The following HMG20A variants were observed in gnomAD, a reference collection of about 807,000 sequenced individuals.
HMG20A encodes high mobility group protein 20A.
Under a neutral mutation model 43.9 loss-of-function variants are expected in HMG20A, and 17 were observed. The observed-to-expected ratio is 0.39, with a 90% CI of 0.27 to 0.58. The LOEUF is 0.58. Among genes scored for constraint, HMG20A ranks in the 20% least tolerant of loss-of-function variants. HMG20A has a pLI of 0.59. For missense variants in HMG20A, 341 were observed against 438.2 expected, an observed-to-expected ratio of 0.78 and a Z score of 1.98; for synonymous variants, 132 against 147.5, an observed-to-expected ratio of 0.89 and a Z score of 0.76.
At chr15:77,470,100 T>C (rs981718059) in intron 4 of HMG20A, among the ~76,000 whole-genome samples, 2 of 152,226 alleles carry the variant, frequency 1.3e-5, no homozygotes, top group Non-Finnish European at 2.9e-5. Context: ...TTTTGGTGCT[T>C]AAATTGTACC....
the HMG20A span, among the ~76,000 whole-genome samples, chr15:77,505,846 G>A: frequency 6.6e-6 from 1 of 152,228 alleles, no homozygotes; most frequent in African/African-American, 2.4e-5. Context: ...GCAGCCCTGA[G>A]CTGTGTCTTC....
At chr15:77,439,513 G>C (rs905629320) in intron 1 of HMG20A, among the ~76,000 whole-genome samples, 2 of 151,950 alleles carry the variant, frequency 1.3e-5, no homozygotes, top group African/African-American at 4.8e-5. Context: ...CGTGGGTCTG[G>C]CTTCTTGGCT....
chr15:77,474,012 T>G (rs539154493), intron 6 of HMG20A, among the ~76,000 whole-genome samples: 128 of 152,322 alleles, frequency 8.4e-4, no homozygotes, highest in Non-Finnish European at 3.7e-4. Context: ...ATAAAAGAAC[T>G]GATTTGAAAG....
chr15:77,514,004 G>T, the HMG20A span, among the ~76,000 whole-genome samples: 2 of 152,262 alleles, frequency 1.3e-5, no homozygotes, highest in Admixed American at 1.3e-4. Context: ...GATTACAAGC[G>T]TGAGCCACCA....
intron 1 of HMG20A, among the ~76,000 whole-genome samples, chr15:77,437,858 GCCA>G (rs1287751320): frequency 2.6e-5 from 4 of 152,154 alleles, no homozygotes; most frequent in Admixed American, 1.3e-4. Context: ...ACATGTGTGA[GCCA>G]CTGTGCGCAG....
intron 1 of HMG20A, among the ~76,000 whole-genome samples, chr15:77,447,213 G>C (rs1404504576): frequency 6.6e-6 from 1 of 152,134 alleles, no homozygotes; most frequent in East Asian, 1.9e-4. Context: ...TGCCTCTGTA[G>C]GAAGGGCAAC....
intron 1 of HMG20A, among the ~76,000 whole-genome samples, chr15:77,444,245 T>C (rs2142300183): frequency 6.6e-6 from 1 of 152,328 alleles, no homozygotes; most frequent in East Asian, 1.9e-4. Context: ...TACTTGGTAC[T>C]GTGGTAGACT....
chr15:77,503,949 G>T, the HMG20A span, among the ~76,000 whole-genome samples: 1 of 152,198 alleles, frequency 6.6e-6, no homozygotes, highest in Non-Finnish European at 1.5e-5. Flanking sequence ...CAGCACAGCG[G>T]GGACTTAAAT....
intron 1 of HMG20A, among the ~76,000 whole-genome samples, chr15:77,429,505 C>A (rs1042053698): frequency 4.6e-5 from 7 of 152,074 alleles, no homozygotes; most frequent in Non-Finnish European, 2.9e-5. Flanking sequence ...TGCTTGATGG[C>A]ATCATAATTA....
At chr15:77,458,350 T>C in intron 1 of HMG20A, 54 bp from the exon 2 acceptor site, 1 of 1,180,964 alleles carries the variant, frequency 8.5e-7, no homozygotes, top group South Asian at 1.3e-5. Flanking sequence ...TTAGTGGAAC[T>C]TGAAATGGAA....
At chr15:77,460,001 C>T (rs1277986979) in intron 2 of HMG20A, among the ~76,000 whole-genome samples, 1 of 152,162 alleles carries the variant, frequency 6.6e-6, no homozygotes, top group Non-Finnish European at 1.5e-5. Context: ...GAGGGTTTCA[C>T]ACAGAATTAT....
chr15:77,453,298 A>G (rs976029349), intron 1 of HMG20A, among the ~76,000 whole-genome samples: 3 of 152,208 alleles, frequency 2.0e-5, no homozygotes, highest in Non-Finnish European at 4.4e-5. Flanking sequence ...TCCAAAACAG[A>G]TAAACAAATG....
At chr15:77,479,104 T>G in intron 8 of HMG20A, 75 bp from the exon 9 acceptor site, 8 of 1,402,236 alleles carry the variant, frequency 5.7e-6, no homozygotes, top group Non-Finnish European at 7.1e-6. Flanking sequence ...TTAGAATCAC[T>G]GTTTCTTTGA....
At chr15:77,423,479 T>C (rs997005466) in intron 1 of HMG20A, among the ~76,000 whole-genome samples, 3 of 152,232 alleles carry the variant, frequency 2.0e-5, no homozygotes, top group Non-Finnish European at 4.4e-5. Context: ...GTACTGTTAC[T>C]TCAAGTTAAT....
At chr15:77,509,933 T>C in the HMG20A span, among the ~76,000 whole-genome samples, 1 of 151,420 alleles carries the variant, frequency 6.6e-6, no homozygotes, top group Non-Finnish European at 1.5e-5. Flanking sequence ...ACCCAAATTA[T>C]ATATGTTTCA....
chr15:77,513,840 C>G, the HMG20A span, among the ~76,000 whole-genome samples: 1 of 152,032 alleles, frequency 6.6e-6, no homozygotes, highest in South Asian at 2.1e-4. Context: ...ATTCTCCTGC[C>G]TCAGTCTCCC....
At chr15:77,464,453 G>A (rs1398676083) in intron 3 of HMG20A, 66 bp downstream of exon 3, 8 of 1,552,360 alleles carry the variant, frequency 5.2e-6, no homozygotes, top group African/African-American at 1.4e-5. Flanking sequence ...CACAAGGAAG[G>A]TGTGTTGATC....
intron 1 of HMG20A, among the ~76,000 whole-genome samples, chr15:77,451,858 TTAGACA>T (rs1254887790): frequency 6.6e-6 from 1 of 152,166 alleles, no homozygotes; most frequent in Non-Finnish European, 1.5e-5. Flanking sequence ...GATTCAATAC[TTAGACA>T]TGAATATCTA....
chr15:77,490,636 A>C, the HMG20A span, among the ~76,000 whole-genome samples: 1 of 152,234 alleles, frequency 6.6e-6, no homozygotes, highest in African/African-American at 2.4e-5. Flanking sequence ...CAACCTGGGC[A>C]ACGTGGTGAA....
Sources: allele counts gnomAD v4.1 joint callset (sites outside exome capture counted in the v4.1 genomes callset), GRCh38; gene constraint gnomAD v4.1.1; transcripts MANE v1.5; gene names NCBI Gene and HGNC (gene_info 2026-07-23, HGNC 2026-07-21).